The following RLN2 variants were observed in gnomAD, a reference collection of about 807,000 sequenced individuals.
The protein encoded by RLN2 is relaxin 2, also known as prorelaxin H2.
Under a neutral mutation model 7.3 loss-of-function variants are expected in RLN2, and 10 were observed. That is an observed-to-expected ratio of 1.36 (90% confidence interval 0.84 to 2.31). The LOEUF (loss-of-function observed/expected upper bound fraction) is 2.31, where lower values mean the gene tolerates loss of function less well. Ranked by LOEUF, RLN2 falls within the 30% of genes most tolerant of loss-of-function variation. The probability of loss-of-function intolerance (pLI) is 0.00; values close to 1 mark genes in which losing one functional copy is unlikely to be tolerated. For missense variants in RLN2, 298 were observed against 217.6 expected (o/e 1.37, Z -2.32); for synonymous variants, 103 against 82.3 (o/e 1.25, Z -1.36).
chr9:5,328,649 G>A, the RLN2 span, among the ~76,000 whole-genome samples: 1 of 151,910 alleles, frequency 6.6e-6, no homozygotes, highest in Non-Finnish European at 1.5e-5. Flanking sequence ...AAATGTTAAG[G>A]GCAGCCAGAG....
At chr9:5,330,358 G>T in the RLN2 span, among the ~76,000 whole-genome samples, 1 of 151,966 alleles carries the variant, frequency 6.6e-6, no homozygotes, top group Non-Finnish European at 1.5e-5. Context: ...AATTAGAGAG[G>T]CCGGGTGTGG....
chr9:5,315,863 T>A, the RLN2 span, among the ~76,000 whole-genome samples: 32,622 of 151,862 alleles, frequency 0.21, 3,873 homozygotes, highest in African/African-American at 0.3. Context: ...CCTTTAGAGA[T>A]GAAGGAGAAA....
chr9:5,309,954 A>G, the RLN2 span, among the ~76,000 whole-genome samples: 1 of 151,960 alleles, frequency 6.6e-6, no homozygotes, highest in Non-Finnish European at 1.5e-5. Context: ...CCCTGTAATT[A>G]AAGACCCTGT....
the RLN2 span, among the ~76,000 whole-genome samples, chr9:5,333,556 C>A: frequency 6.6e-6 from 1 of 151,882 alleles, no homozygotes; most frequent in Admixed American, 6.6e-5. Flanking sequence ...CAGCCCAGGT[C>A]CTGATGGATT....
the RLN2 span, among the ~76,000 whole-genome samples, chr9:5,328,438 G>T: frequency 1.2e-4 from 18 of 152,052 alleles, no homozygotes; most frequent in Admixed American, 4.6e-4. Flanking sequence ...ACGTTAGTTT[G>T]GTGTACTGGA....
At chr9:5,322,866 G>A in the RLN2 span, among the ~76,000 whole-genome samples, 1 of 151,928 alleles carries the variant, frequency 6.6e-6, no homozygotes, top group African/African-American at 2.4e-5. Flanking sequence ...GATGGGATCA[G>A]AACAAGTCAT....
rs368260297 is a variant in RLN2 at position 5,304,496 on chromosome 9, C to A, written c.85G>T (p.Glu29Ter). The A allele has an allele frequency of 6.2e-7, 1 of 1,613,768 alleles. No homozygotes were observed. The highest frequency in any genetic ancestry group is 1.3e-5 in the African/African-American group (1 of 74,810). Residue 29 changes from glutamate to a stop codon, truncating the protein, a stop_gained, in exon 1 of 2, where the codon GAG becomes TAG. Coordinates refer to ENST00000381627, the MANE Select transcript of RLN2 (RefSeq NM_134441.3). LOFTEE classifies it high-confidence loss of function. ...FSRAVADSWMEEVIKLCGREL... is the reference protein window; with the variant it reads ...FSRAVADSWM ...CGGCCGCATAATTTAATAACTTCCT[C>A]CATCCATGAGTCCGCGACTGCTCTG...
At chr9:5,336,252 G>A in the RLN2 span, among the ~76,000 whole-genome samples, 1 of 152,156 alleles carries the variant, frequency 6.6e-6, no homozygotes, top group African/African-American at 2.4e-5. Context: ...TGGGTTAAAA[G>A]ATCACTAACC....
the RLN2 span, among the ~76,000 whole-genome samples, chr9:5,328,961 C>T: frequency 1.3e-5 from 2 of 152,028 alleles, no homozygotes; most frequent in African/African-American, 2.4e-5. Flanking sequence ...ACAACCAGTA[C>T]CAGCCACTGC....
At chr9:5,311,403 T>C in the RLN2 span, 1 of 507,484 alleles carries the variant, frequency 2.0e-6, no homozygotes, top group African/African-American at 2.0e-5. Flanking sequence ...GACACATTCT[T>C]AATACAAGAA....
chr9:5,335,468 T>C, the RLN2 span: 1 of 1,613,636 alleles, frequency 6.2e-7, no homozygotes, highest in Non-Finnish European at 8.5e-7. Context: ...AGGTACATAC[T>C]GCTGTAGCTC....
chr9:5,336,294 G>C, the RLN2 span, among the ~76,000 whole-genome samples: 1 of 152,060 alleles, frequency 6.6e-6, no homozygotes, highest in Admixed American at 6.6e-5. Flanking sequence ...AGATTCATAT[G>C]TGCTGTGGTG....
the RLN2 span, chr9:5,335,519 T>A: frequency 6.2e-7 from 1 of 1,613,254 alleles, no homozygotes; most frequent in Non-Finnish European, 8.5e-7. Context: ...TGCCTTCAGC[T>A]CCGGTGGCAA....
chr9:5,315,412 A>T, the RLN2 span, among the ~76,000 whole-genome samples: 3 of 151,864 alleles, frequency 2.0e-5, no homozygotes, highest in Non-Finnish European at 2.9e-5. Context: ...GAGAAGGAAA[A>T]AAAAAAACGA....
chr9:5,300,674 C>T (rs1278118086), intron 1 of RLN2, among the ~76,000 whole-genome samples: 4 of 152,178 alleles, frequency 2.6e-5, no homozygotes, highest in Non-Finnish European at 4.4e-5. Context: ...GGTCCTCTCT[C>T]GTCTCTCTTC....
the RLN2 span, chr9:5,311,537 C>T: frequency 9.5e-6 from 7 of 736,500 alleles, no homozygotes; most frequent in Non-Finnish European, 1.7e-5. Flanking sequence ...GTCTACTAAA[C>T]CTGCTCCTCC....
the RLN2 span, among the ~76,000 whole-genome samples, chr9:5,323,212 G>A: frequency 2.0e-5 from 3 of 151,934 alleles, no homozygotes; most frequent in East Asian, 5.8e-4. Context: ...ATCTGTCTCA[G>A]TCATCTGGCT....
chr9:5,331,297 G>C, the RLN2 span, among the ~76,000 whole-genome samples: 1 of 151,952 alleles, frequency 6.6e-6, no homozygotes, highest in Non-Finnish European at 1.5e-5. Flanking sequence ...TAAAAAAAGA[G>C]ATTTTAGGCC....
chr9:5,332,980 C>CAATGAT, the RLN2 span, among the ~76,000 whole-genome samples: 1 of 151,916 alleles, frequency 6.6e-6, no homozygotes, highest in Non-Finnish European at 1.5e-5. Context: ...AGGATAAAGG[C>CAATGAT]AATGATAATA....
Sources: allele counts gnomAD v4.1 joint callset (sites outside exome capture counted in the v4.1 genomes callset), GRCh38; gene constraint gnomAD v4.1.1; transcripts MANE v1.5; gene names NCBI Gene and HGNC (gene_info 2026-07-23, HGNC 2026-07-21).